The following MRPS31 variants were observed in gnomAD, a reference collection of about 807,000 sequenced individuals.
The protein encoded by MRPS31 is small ribosomal subunit protein mS31.
Under a neutral mutation model 43.1 loss-of-function variants are expected in MRPS31, and 32 were observed. That is an observed-to-expected ratio of 0.74 (90% CI 0.56 to 1.00). MRPS31 has a LOEUF of 1.00. Among genes scored for constraint, MRPS31 ranks in the 50% least tolerant of loss-of-function variants. MRPS31 has a pLI of 0.00. For missense variants in MRPS31, 437 were observed against 466.7 expected, an observed-to-expected ratio of 0.94 and a Z score of 0.59; for synonymous variants, 165 against 161.6, an observed-to-expected ratio of 1.02 and a Z score of -0.16.
At chr13:40,757,513 C>T (rs1313180765) in intron 3 of MRPS31, among the ~76,000 whole-genome samples, 4 of 141,258 alleles carry the variant, frequency 2.8e-5, no homozygotes, top group South Asian at 2.3e-4. Context: ...GGCGCAATCT[C>T]GGCTCACTGC....
intron 6 of MRPS31, among the ~76,000 whole-genome samples, chr13:40,735,031 C>T (rs563411325): frequency 6.6e-6 from 1 of 152,218 alleles, no homozygotes; most frequent in African/African-American, 2.4e-5. Flanking sequence ...CCGGGTTCAT[C>T]TCACTAGGGA....
chr13:40,769,853 T>C (rs1464322006), intron 1 of MRPS31, among the ~76,000 whole-genome samples: 1 of 152,074 alleles, frequency 6.6e-6, no homozygotes, highest in African/African-American at 2.4e-5. Flanking sequence ...ATAATAAACC[T>C]CTCGACCTAA....
At chr13:40,736,142 C>T (rs1879897405) in intron 6 of MRPS31, among the ~76,000 whole-genome samples, 1 of 150,316 alleles carries the variant, frequency 6.7e-6, no homozygotes, top group African/African-American at 2.5e-5. Context: ...ATGCAGAAGC[C>T]TCAGGAGCCG....
intron 6 of MRPS31, among the ~76,000 whole-genome samples, chr13:40,736,050 G>A (rs1312867624): frequency 7.0e-6 from 1 of 143,814 alleles, no homozygotes; most frequent in Non-Finnish European, 1.5e-5. Flanking sequence ...TTAGAAGAAT[G>A]TATAACTAGA....
intron 6 of MRPS31, among the ~76,000 whole-genome samples, chr13:40,747,458 C>T (rs564687557): frequency 1.1e-4 from 16 of 152,238 alleles, no homozygotes; most frequent in African/African-American, 3.9e-4. Flanking sequence ...CAGGTTTGTA[C>T]GACTAAAAAG....
At chr13:40,747,065 G>GT (rs912994622) in intron 6 of MRPS31, among the ~76,000 whole-genome samples, 23 of 150,528 alleles carry the variant, frequency 1.5e-4, no homozygotes, top group Admixed American at 4.0e-4. Flanking sequence ...CCTCAATACT[G>GT]TTTTTTTTTC....
At chr13:40,761,380 A>G (rs1264986084) in intron 2 of MRPS31, among the ~76,000 whole-genome samples, 1 of 152,238 alleles carries the variant, frequency 6.6e-6, no homozygotes, top group Non-Finnish European at 1.5e-5. Context: ...TATTTCTTTC[A>G]TAAACTACTT....
At chr13:40,764,261 T>C (rs1484754288) in intron 2 of MRPS31, among the ~76,000 whole-genome samples, 1 of 152,218 alleles carries the variant, frequency 6.6e-6, no homozygotes, top group Non-Finnish European at 1.5e-5. Context: ...TTACATAAAA[T>C]GGCAGAGTAC....
chr13:40,751,080 T>C (rs753033190), intron 5 of MRPS31, among the ~76,000 whole-genome samples: 19 of 152,086 alleles, frequency 1.2e-4, no homozygotes, highest in Non-Finnish European at 2.6e-4. Context: ...CTGAATCTAT[T>C]TCTATGAGCC....
intron 6 of MRPS31, among the ~76,000 whole-genome samples, chr13:40,735,974 A>G (rs559201667): frequency 2.0e-5 from 3 of 148,598 alleles, no homozygotes; most frequent in African/African-American, 7.5e-5. Flanking sequence ...CAGACGATCA[A>G]ATTACTCTGA....
chr13:40,764,071 T>C (rs1305827535), intron 2 of MRPS31, among the ~76,000 whole-genome samples: 34 of 152,122 alleles, frequency 2.2e-4, no homozygotes, highest in Admixed American at 2.2e-3. Context: ...TGTCCTAAGG[T>C]ACTCTGGGGC....
intron 3 of MRPS31, among the ~76,000 whole-genome samples, chr13:40,758,339 A>G (rs1423738670): frequency 6.6e-6 from 1 of 152,184 alleles, no homozygotes; most frequent in African/African-American, 2.4e-5. Flanking sequence ...GATCATGGGC[A>G]TGAGCCAGCA....
chr13:40,769,373 CATATATATATATATATATATATAT>C (rs201190639), intron 1 of MRPS31, among the ~76,000 whole-genome samples: 208 of 65,642 alleles, frequency 3.2e-3, no homozygotes, highest in South Asian at 0.013. Context: ...AGACTCTGTC[CATATATATATATATATATATATAT>C]ATATATATAT....
chr13:40,749,294 G>C lies in MRPS31; in HGVS notation c.815-13C>G. The C allele has an allele frequency of 6.5e-7, 1 of 1,534,332 alleles. No individual in the cohort carries two copies. The highest frequency in any genetic ancestry group is 8.7e-7 in the Non-Finnish European group (1 of 1,149,420). ...GAAGGTGATGTGTCTACATAATAAA[G>C]ACATTTTAGATAACAACAAGTCAAT... On this transcript the variant is annotated splice_polypyrimidine_tract_variant and intron_variant, in intron 5 of 6. Coordinates refer to ENST00000323563, the MANE Select transcript of MRPS31 (RefSeq NM_005830.4).
In MRPS31 at chr13:40,759,038, T is replaced by C; in HGVS notation, c.509A>G (p.Lys170Arg). Residue 170 changes from lysine to arginine, a missense_variant, in exon 3 of 7, where the codon AAG becomes AGG. Physicochemically the swap from Lys to Arg is conservative, Grantham distance 26. Coordinates refer to ENST00000323563, the MANE Select transcript of MRPS31 (RefSeq NM_005830.4). ...CAGCAGCTCTGACTTGGTTGTTTGC[T>C]TATCAAAAGGGAGAGAATCTGCCAC... Reference protein sequence around the residue: ...SAVADSLPFDKQTTKSELLSQ... With the variant: ...SAVADSLPFDRQTTKSELLSQ... 6.2e-7 allele frequency: 1 copy of C among 1,608,604 alleles called. No individual in the cohort carries two copies. Among genetic ancestry groups the C allele is most frequent in the South Asian group, 1.1e-5 (1 of 89,676 alleles).
intron 1 of MRPS31, among the ~76,000 whole-genome samples, chr13:40,767,516 T>C (rs1027442547): frequency 1.3e-5 from 2 of 152,214 alleles, no homozygotes; most frequent in Non-Finnish European, 1.5e-5. Context: ...ATTTTGCAGA[T>C]AAGGAAACTG....
chr13:40,763,191 C>T (rs549922673), intron 2 of MRPS31, among the ~76,000 whole-genome samples: 2 of 152,208 alleles, frequency 1.3e-5, no homozygotes, highest in African/African-American at 2.4e-5. Flanking sequence ...AGGACCACTA[C>T]AGGTGACACC....
At chr13:40,735,280 A>G (rs944626325) in intron 6 of MRPS31, among the ~76,000 whole-genome samples, 9 of 152,170 alleles carry the variant, frequency 5.9e-5, no homozygotes, top group African/African-American at 1.4e-4. Context: ...AGAGGGTCCT[A>G]CGCCCACGGA....
chr13:40,761,920 AG>A (rs1880706708), intron 2 of MRPS31, among the ~76,000 whole-genome samples: 2 of 149,068 alleles, frequency 1.3e-5, no homozygotes, highest in Non-Finnish European at 1.5e-5. Context: ...GAAAATAAAC[AG>A]AAAAAAAAAA....
Sources: allele counts gnomAD v4.1 joint callset (sites outside exome capture counted in the v4.1 genomes callset), GRCh38; gene constraint gnomAD v4.1.1; transcripts MANE v1.5; gene names NCBI Gene and HGNC (gene_info 2026-07-23, HGNC 2026-07-21).